RBBP6: variants seen among roughly 807,000 people sequenced by gnomAD.
RBBP6 encodes the protein E3 ubiquitin-protein ligase RBBP6.
Under a neutral mutation model 167.7 loss-of-function variants are expected in RBBP6, and 25 were observed. The ratio of observed to expected loss-of-function variants is 0.15; its 90% confidence interval spans 0.11 to 0.21. The LOEUF is 0.21. RBBP6 is among the 10% of genes least tolerant of loss of function. The pLI is 1.00. For synonymous variants in RBBP6, 789 were observed against 735.8 expected, an observed-to-expected ratio of 1.07 and a Z score of -1.17; for missense variants, 1,868 against 2,134.2, an observed-to-expected ratio of 0.88 and a Z score of 2.46.
intron 3 of RBBP6, among the ~76,000 whole-genome samples, chr16:24,550,968 A>T (rs1299009612): frequency 6.6e-6 from 1 of 151,858 alleles, no homozygotes; most frequent in African/African-American, 2.4e-5. Flanking sequence ...GCTAAGCCAA[A>T]TTTTTCTTAT....
At chr16:24,557,144 G>A (rs1351814923) in intron 7 of RBBP6, among the ~76,000 whole-genome samples, 14 of 151,702 alleles carry the variant, frequency 9.2e-5, no homozygotes, top group African/African-American at 1.7e-4. Flanking sequence ...GACTACAGGC[G>A]CCCGCCACCA....
rs763765606 is a variant in RBBP6 at position 24,540,599 on chromosome 16, C to G, written c.-28C>G. On this transcript the variant is annotated 5_prime_UTR_variant, in exon 1 of 18. Transcript: ENST00000319715. ...TATATTGAGAGTGTCCACGTCTCCT[C>G]GCTGAACCTTAGGAATCCCTTGGCA... is the stretch of plus-strand genomic sequence containing the variant. 2.5e-6 allele frequency: 4 copies of G among 1,596,242 alleles called. No individual in the cohort carries two copies. The highest frequency in any genetic ancestry group is 2.6e-6 in the Non-Finnish European group (3 of 1,168,314).
chr16:24,556,995 C>CT (rs397962167), intron 7 of RBBP6, among the ~76,000 whole-genome samples: 3,689 of 108,828 alleles, frequency 0.034, 211 homozygotes, highest in African/African-American at 0.078. Context: ...ACCTTAATGC[C>CT]TTTTTTTTTT....
chr16:24,560,386 G>A (rs990346904), intron 8 of RBBP6, among the ~76,000 whole-genome samples: 4 of 152,180 alleles, frequency 2.6e-5, no homozygotes, highest in South Asian at 2.1e-4. Context: ...GATTACAGGC[G>A]TGAGCCACCG....
intron 6 of RBBP6, 110 bp from the exon 7 acceptor site, chr16:24,556,198 T>C (rs1898908946): frequency 2.3e-6 from 2 of 872,034 alleles, no homozygotes; most frequent in South Asian, 3.4e-5. Context: ...AGATCACATA[T>C]GTAAAGCACT....
chr16:24,568,833 T>C lies in RBBP6; in HGVS notation c.2143T>C (p.Tyr715His), dbSNP rs1443936093. 6.2e-7 allele frequency: 1 copy of C among 1,614,274 alleles called. No homozygotes were observed. The highest frequency in any genetic ancestry group is 8.5e-7 in the Non-Finnish European group (1 of 1,180,048). Residue 715 changes from tyrosine to histidine, a missense_variant, in exon 17 of 18, where the codon TAT (tyrosine) becomes CAT (histidine). Transcript: ENST00000319715. ...SRSGSTRSRS[Y>H]SRSFSRSHSR... Reference sequence around the variant, plus strand: ...ATCTGGTTCAACACGTTCACGCTCTTATTCTCGATCATTCAGCCGCTCACA... The same window carrying C: ...ATCTGGTTCAACACGTTCACGCTCTCATTCTCGATCATTCAGCCGCTCACA...
rs750856405 is a variant in RBBP6 at position 24,546,188 on chromosome 16, T to A, written c.192T>A (p.Ile64=). ...AATATACTGATGATAATGCTCTGAT[T>A]CCTAAGAATTCTTCTGTAATTGTTA... ...KEEYTDDNAL[I]PKNSSVIVRR... is the part of the protein sequence containing the mutation. The change falls in exon 2 of 18, where the codon ATT becomes ATA. Residue 64 remains isoleucine, a synonymous_variant. Coordinates refer to ENST00000319715, the MANE Select transcript of RBBP6 (RefSeq NM_006910.5). 6.3e-7 allele frequency: 1 copy of A among 1,587,096 alleles called. No individual in the cohort carries two copies. Among genetic ancestry groups the A allele is most frequent in the South Asian group, 1.2e-5 (1 of 84,744 alleles).
intron 5 of RBBP6, 33 bp downstream of exon 5, chr16:24,555,736 C>A (rs1898897206): frequency 7.5e-6 from 12 of 1,601,462 alleles, no homozygotes; most frequent in Non-Finnish European, 9.4e-6. Context: ...CTAATAGGAA[C>A]TTTTGGGGTG....
Position 24,571,522 on chromosome 16 carries a change from A to C in RBBP6, c.4456A>C (p.Lys1486Gln). ...DYDTREYSSS[K>Q]RRDEKNELTR... is the part of the protein sequence containing the mutation. ...TGACACCAGAGAGTATTCAAGTTCC[A>C]AACGTAGAGATGAAAAGAATGAATT... Residue 1486 changes from lysine to glutamine, a missense_variant, in exon 18 of 18, where the codon AAA (lysine) becomes CAA (glutamine). Lys to Gln is a moderately conservative substitution (Grantham distance 53, BLOSUM62 1). This residue lies in a region of RBBP6 where 591 missense variants were observed against 540.5 expected (regional missense o/e 1.09). Transcript: ENST00000319715. The C allele has an allele frequency of 7.4e-6, 12 of 1,613,768 alleles. No individual in the cohort carries two copies. The highest frequency in any genetic ancestry group is 1.0e-5 in the Non-Finnish European group (12 of 1,179,916).
In RBBP6 at chr16:24,548,579, G is replaced by A. The variant is rs540742642; in HGVS notation, c.267-366G>A. On this transcript the variant is annotated intron_variant, in intron 2 of 17. Coordinates refer to ENST00000319715, the MANE Select transcript of RBBP6 (RefSeq NM_006910.5). Reference sequence around the variant, plus strand: ...GTCTTCCTGATGTGTGAAAATTTACGCATTCAGAAACTGGGAAATTATATA... The same window carrying A: ...GTCTTCCTGATGTGTGAAAATTTACACATTCAGAAACTGGGAAATTATATA... Among the ~76,000 whole-genome samples the A allele has an allele frequency of 3.3e-4, 50 of 152,156 alleles. 1 individual carries two copies. The highest frequency in any genetic ancestry group is 1.0e-3 in the African/African-American group (42 of 41,540).
chr16:24,567,241 C>T lies in RBBP6; in HGVS notation c.1688C>T (p.Pro563Leu). 2 of 1,614,154 alleles carry T rather than the reference C, an allele frequency of 1.2e-6. No homozygotes were observed. Among genetic ancestry groups the T allele is most frequent in the Non-Finnish European group, 1.7e-6 (2 of 1,180,004 alleles). Residue 563 changes from proline to leucine, a missense_variant, in exon 15 of 18, where the codon CCT becomes CTT. By Grantham distance (98) the Pro-to-Leu change is moderately conservative (BLOSUM62 -3). Around this residue, in one of 7 missense-constraint regions of RBBP6, gnomAD observed 145 missense variants for 224.3 expected, o/e 0.65. Transcript: ENST00000319715. Reference sequence around the variant, plus strand: ...GTCTTTGTACCTGTTCCACCACCTCCTTTGTATCCGCCTCCTCCCCATACA... The same window carrying T: ...GTCTTTGTACCTGTTCCACCACCTCTTTTGTATCCGCCTCCTCCCCATACA... Reference protein sequence around the residue: ...TPVFVPVPPPPLYPPPPHTLP... With the variant: ...TPVFVPVPPPLLYPPPPHTLP...
In RBBP6 at chr16:24,568,738, T is replaced by C. The variant is rs1423451789; in HGVS notation, c.2055-7T>C. ...AACTATCAACTATTGTTTTGTTTTG[T>C]TTTTAGGTCTAAATCTCCCTATAGT... On this transcript the variant is annotated splice_polypyrimidine_tract_variant and splice_region_variant and intron_variant, in intron 16 of 17. Coordinates refer to ENST00000319715, the MANE Select transcript of RBBP6 (RefSeq NM_006910.5). The C allele has an allele frequency of 2.5e-6, 4 of 1,600,026 alleles. No individual in the cohort carries two copies. The African/African-American group carries it at 5.4e-5, about 22-fold the overall frequency.
At chr16:24,542,552 T>C (rs940722913) in intron 1 of RBBP6, among the ~76,000 whole-genome samples, 1 of 151,860 alleles carries the variant, frequency 6.6e-6, no homozygotes, top group African/African-American at 2.4e-5. Flanking sequence ...TCCGCCTCCC[T>C]GGTTTGAGCG....
At chr16:24,555,749 T>C (rs879209741) in intron 5 of RBBP6, 46 bp downstream of exon 5, 1 of 1,584,434 alleles carries the variant, frequency 6.3e-7, no homozygotes, top group Non-Finnish European at 8.7e-7. Flanking sequence ...TTGGGGTGGG[T>C]TTTCCCCCCC....
chr16:24,546,927 G>T (rs1739521769), intron 2 of RBBP6, among the ~76,000 whole-genome samples: 1 of 152,232 alleles, frequency 6.6e-6, no homozygotes. Flanking sequence ...TAGGAAGAGA[G>T]CAGTCTCACA....
intron 3 of RBBP6, chr16:24,549,302 G>T: frequency 8.6e-7 from 1 of 1,162,794 alleles, no homozygotes; most frequent in African/African-American, 1.6e-5. Context: ...GGAACATGAT[G>T]ACATGTTCTA....
chr16:24,569,889 C>T lies in RBBP6; in HGVS notation c.3199C>T (p.Pro1067Ser), dbSNP rs369343918. The stretch of plus-strand genomic sequence containing the variant: ...AATTAAAAAAGCCAAAGAGGAGACT[C>T]CGAAGACTGACAATACTAAATCATC... Reference protein sequence around the residue: ...PPIKKAKEETPKTDNTKSSSS... With the variant: ...PPIKKAKEETSKTDNTKSSSS... The change falls in exon 17 of 18, where the codon CCG (proline) becomes TCG (serine). Residue 1067 changes from proline (P) to serine (S), a missense_variant. Physicochemically the swap from Pro to Ser is moderately conservative, Grantham distance 74. Around this residue, in one of 7 missense-constraint regions of RBBP6, gnomAD observed 673 missense variants for 691.5 expected, o/e 0.97. Transcript: ENST00000319715. 1.3e-5 allele frequency: 21 copies of T among 1,610,838 alleles called. No homozygotes were observed. Among genetic ancestry groups the T allele is most frequent in the South Asian group, 2.2e-5 (2 of 90,234 alleles).
chr16:24,563,360 G>C, intron 11 of RBBP6, 63 bp from the exon 12 acceptor site: 1 of 1,442,600 alleles, frequency 6.9e-7, no homozygotes, highest in Non-Finnish European at 9.2e-7. Context: ...TTCTGGCTTT[G>C]TTCTTACCTC....
At chr16:24,564,715 T>C in intron 13 of RBBP6, 82 bp from the exon 14 acceptor site, 4 of 1,446,574 alleles carry the variant, frequency 2.8e-6, no homozygotes, top group South Asian at 1.6e-5. Flanking sequence ...TTAAAATTGG[T>C]GTCTTAACAG....
Sources: gnomAD v4.1 joint callset for allele counts (sites outside exome capture counted in the v4.1 genomes callset) on GRCh38, gnomAD v4.1.1 for gene constraint, gnomAD v4.1.1 regional missense constraint, MANE v1.5 for transcripts, NCBI Gene and HGNC (gene_info 2026-07-23, HGNC 2026-07-21) for gene names.